The following FGGY variants were observed in gnomAD, a reference collection of about 807,000 sequenced individuals.
The protein encoded by FGGY is FGGY carbohydrate kinase domain containing, also known as FGGY carbohydrate kinase domain-containing protein.
Under a neutral mutation model 71.3 loss-of-function variants are expected in FGGY, and 72 were observed. That is an observed-to-expected ratio of 1.01 (90% CI 0.84 to 1.23). The LOEUF (loss-of-function observed/expected upper bound fraction) is 1.23, where lower values mean the gene tolerates loss of function less well. Among genes scored for constraint, FGGY ranks in the 50% most tolerant of loss-of-function variants. The pLI, the probability that FGGY is intolerant of heterozygous loss-of-function variation, is 0.00. For synonymous variants in FGGY, 251 were observed against 250.3 expected, an observed-to-expected ratio of 1.00 and a Z score of -0.02; for missense variants, 668 against 682.3, an observed-to-expected ratio of 0.98 and a Z score of 0.23.
At chr1:59,530,887 A>G (rs2095123870) in intron 7 of FGGY, among the ~76,000 whole-genome samples, 1 of 152,220 alleles carries the variant, frequency 6.6e-6, no homozygotes, top group Non-Finnish European at 1.5e-5. Flanking sequence ...TAGCTTGTAA[A>G]CAGAAACTTT....
chr1:59,510,241 T>G (rs1056254430), intron 6 of FGGY, among the ~76,000 whole-genome samples: 3 of 152,178 alleles, frequency 2.0e-5, no homozygotes, highest in Admixed American at 6.5e-5. Context: ...TTTATTTTTC[T>G]TCTGTAAACC....
At chr1:59,343,445 T>C (rs900294099) in intron 3 of FGGY, among the ~76,000 whole-genome samples, 9 of 152,322 alleles carry the variant, frequency 5.9e-5, no homozygotes, top group African/African-American at 2.2e-4. Flanking sequence ...ATAAACACTT[T>C]CCTGCCTTTT....
At chr1:59,468,875 A>T (rs1406677873) in intron 6 of FGGY, among the ~76,000 whole-genome samples, 2 of 128,470 alleles carry the variant, frequency 1.6e-5, no homozygotes, top group African/African-American at 5.5e-5. Flanking sequence ...CTGTCTTTAA[A>T]AAAAAAAAAA....
chr1:59,426,322 T>C (rs1032030012), intron 5 of FGGY, among the ~76,000 whole-genome samples: 1 of 151,876 alleles, frequency 6.6e-6, no homozygotes, highest in African/African-American at 2.4e-5. Flanking sequence ...CGGAGCTCCA[T>C]GGCATAGAGG....
intron 6 of FGGY, among the ~76,000 whole-genome samples, chr1:59,464,236 GA>G (rs1391895974): frequency 1.3e-5 from 2 of 152,214 alleles, no homozygotes; most frequent in East Asian, 1.9e-4. Context: ...CAACTACGTG[GA>G]AAGTGAACAA....
chr1:59,559,824 C>T (rs763118052), intron 8 of FGGY, among the ~76,000 whole-genome samples: 1 of 152,078 alleles, frequency 6.6e-6, no homozygotes, highest in Non-Finnish European at 1.5e-5. Context: ...AATTATAACT[C>T]AAAGTATAAC....
chr1:59,413,057 G>A (rs12091780), intron 5 of FGGY, among the ~76,000 whole-genome samples: 2,745 of 152,264 alleles, frequency 0.018, 88 homozygotes, highest in African/African-American at 0.063. Context: ...TGCACAGATT[G>A]TTTCTTTGAC....
intron 4 of FGGY, among the ~76,000 whole-genome samples, chr1:59,366,326 T>C (rs1478723314): frequency 6.6e-6 from 1 of 152,210 alleles, no homozygotes; most frequent in Non-Finnish European, 1.5e-5. Flanking sequence ...GTAATGCGTC[T>C]TGTCTATTCA....
Position 59,457,076 on chromosome 1 carries a change from G to T in FGGY, c.670G>T (p.Gly224Ter). The T allele has an allele frequency of 1.3e-6, 2 of 1,599,738 alleles. No homozygotes were observed. Among genetic ancestry groups the T allele is most frequent in the South Asian group, 2.2e-5 (2 of 90,720 alleles). Residue 224 changes from glycine (G) to a stop codon, truncating the protein, a stop_gained and splice_region_variant, in exon 6 of 16, where the codon GGA becomes TGA. Transcript: ENST00000303721. LOFTEE classifies it high-confidence loss of function. ...DFVADNYSKI[G>*]NQVLPPGASL... ...TGTTGCAGATAATTACAGCAAAATAGGTAAAAGAATAAAACATCTGTAGAG... is the reference window on the plus strand; with the variant it reads ...TGTTGCAGATAATTACAGCAAAATATGTAAAAGAATAAAACATCTGTAGAG...
intron 4 of FGGY, among the ~76,000 whole-genome samples, chr1:59,358,325 T>C (rs796739349): frequency 2.6e-5 from 4 of 152,208 alleles, no homozygotes; most frequent in African/African-American, 9.6e-5. Context: ...ATTGTAGGGA[T>C]ATATTCATTT....
chr1:59,662,989 T>C (rs145724662), intron 12 of FGGY, among the ~76,000 whole-genome samples: 2 of 152,138 alleles, frequency 1.3e-5, no homozygotes, highest in African/African-American at 4.8e-5. Flanking sequence ...AAAATCAGAG[T>C]GGTGTGATAT....
chr1:59,458,766 A>G (rs1013091997), intron 6 of FGGY, among the ~76,000 whole-genome samples: 1 of 152,204 alleles, frequency 6.6e-6, no homozygotes, highest in African/African-American at 2.4e-5. Context: ...CCATTTATCA[A>G]AATTAATTGT....
chr1:59,719,095 T>C (rs2097865555), intron 14 of FGGY, among the ~76,000 whole-genome samples: 1 of 152,186 alleles, frequency 6.6e-6, no homozygotes, highest in Admixed American at 6.5e-5. Context: ...GACTGGACAG[T>C]GTGTTCAGCC....
Position 59,321,614 on chromosome 1 carries a change from T to C in FGGY, c.65T>C (p.Val22Ala), listed in dbSNP as rs750581053. 1 of 1,613,898 alleles carries C rather than the reference T, an allele frequency of 6.2e-7. No homozygotes were observed. Among genetic ancestry groups the C allele is most frequent in the South Asian group, 1.1e-5 (1 of 91,020 alleles). ...GGTGTGGACGTTGGAACAGGCAGTG[T>C]CCGTGCAGCTCTGGTGGACCAGAGT... ...YVGVDVGTGS[V>A]RAALVDQSGV... The change falls in exon 2 of 16, where the codon GTC (valine) becomes GCC (alanine). Residue 22 changes from valine to alanine, a missense_variant. Transcript: ENST00000303721.
chr1:59,448,353 G>C (rs528355009), intron 5 of FGGY, among the ~76,000 whole-genome samples: 1 of 152,288 alleles, frequency 6.6e-6, no homozygotes, highest in Admixed American at 6.5e-5. Flanking sequence ...GTCTGCTAGA[G>C]ATCTGGCATG....
intron 14 of FGGY, among the ~76,000 whole-genome samples, chr1:59,751,444 A>G (rs2098244586): frequency 6.6e-6 from 1 of 152,210 alleles, no homozygotes; most frequent in African/African-American, 2.4e-5. Flanking sequence ...ATGAAAAAGC[A>G]TGATGTGCTA....
At chr1:59,670,424 C>T (rs1046400855) in intron 13 of FGGY, among the ~76,000 whole-genome samples, 1 of 152,218 alleles carries the variant, frequency 6.6e-6, no homozygotes, top group African/African-American at 2.4e-5. Context: ...GTGAAAAACA[C>T]ATTCGAATTT....
chr1:59,389,123 T>A (rs1454402471), intron 5 of FGGY, among the ~76,000 whole-genome samples: 3 of 152,160 alleles, frequency 2.0e-5, no homozygotes, highest in Non-Finnish European at 4.4e-5. Context: ...AATTTTTGTA[T>A]TTTTAGTAGA....
intron 6 of FGGY, among the ~76,000 whole-genome samples, chr1:59,477,867 A>G (rs1469454001): frequency 6.6e-6 from 1 of 152,190 alleles, no homozygotes; most frequent in Non-Finnish European, 1.5e-5. Flanking sequence ...TTGCAATGTC[A>G]TAGGTTGTTC....
Sources: gnomAD v4.1 joint callset for allele counts (sites outside exome capture counted in the v4.1 genomes callset) on GRCh38, gnomAD v4.1.1 for gene constraint, MANE v1.5 for transcripts, NCBI Gene and HGNC (gene_info 2026-07-23, HGNC 2026-07-21) for gene names.